FHL5: variants seen among roughly 807,000 people sequenced by gnomAD.
FHL5 encodes the protein four and a half LIM domains protein 5.
A neutral mutation model predicts 32.0 loss-of-function variants in FHL5; 33 were observed. The observed-to-expected ratio is 1.03, with a 90% CI of 0.78 to 1.38. The LOEUF is 1.38. FHL5 is among the 40% of genes most tolerant of loss of function. The pLI, the probability that FHL5 is intolerant of heterozygous loss-of-function variation, is 0.00. For missense variants in FHL5, 336 were observed against 343.9 expected, an observed-to-expected ratio of 0.98 and a Z score of 0.18; for synonymous variants, 114 against 113.6, an observed-to-expected ratio of 1.00 and a Z score of -0.02.
At chr6:96,581,818 AT>A (rs1382397481) in intron 1 of FHL5, among the ~76,000 whole-genome samples, 1 of 152,178 alleles carries the variant, frequency 6.6e-6, no homozygotes, top group African/African-American at 2.4e-5. Context: ...TCTTAAAAAA[AT>A]GTTATAGAAT....
chr6:96,585,529 A>G (rs895708978), intron 1 of FHL5, among the ~76,000 whole-genome samples: 1 of 152,156 alleles, frequency 6.6e-6, no homozygotes, highest in Non-Finnish European at 1.5e-5. Flanking sequence ...ATTTAGTAAA[A>G]TTTACAGATC....
intron 1 of FHL5, among the ~76,000 whole-genome samples, chr6:96,570,902 CTTATT>C (rs1770462674): frequency 6.6e-6 from 1 of 151,448 alleles, no homozygotes; most frequent in South Asian, 2.1e-4. Context: ...GAATTTTTTT[CTTATT>C]TTATTTAATT....
chr6:96,602,422 G>GTTCCTTTTTTTT (rs1562062425), intron 1 of FHL5, among the ~76,000 whole-genome samples: 10 of 26,606 alleles, frequency 3.8e-4, no homozygotes, highest in African/African-American at 1.0e-3. Flanking sequence ...TATATGCGTT[G>GTTCCTTTTTTTT]TTTCTTTTTT....
At chr6:96,574,335 C>G (rs1016954467) in intron 1 of FHL5, among the ~76,000 whole-genome samples, 1 of 152,138 alleles carries the variant, frequency 6.6e-6, no homozygotes, top group Non-Finnish European at 1.5e-5. Context: ...AAAATGTTTT[C>G]TACAAAGAGC....
chr6:96,618,140 G>A lies in FHL5; in HGVS notation c.*2368G>A, dbSNP rs541894489. 1.1e-4 allele frequency among the ~76,000 whole-genome samples: 16 copies of A among 152,236 alleles called. No homozygotes were observed. The highest frequency in any genetic ancestry group is 6.2e-4 in the South Asian group (3 of 4,828). ...GAAAAAGACCTCCTTAGGTCTTTGCGTAACACACACAAAGATAAATGTAAA... is the reference window on the plus strand; with the variant it reads ...GAAAAAGACCTCCTTAGGTCTTTGCATAACACACACAAAGATAAATGTAAA... On this transcript the variant is annotated 3_prime_UTR_variant, in exon 6 of 6. Coordinates refer to ENST00000450218, the MANE Select transcript of FHL5 (RefSeq NM_001322466.2).
chr6:96,567,605 G>A (rs137870492), intron 1 of FHL5, among the ~76,000 whole-genome samples: 108 of 151,638 alleles, frequency 7.1e-4, no homozygotes, highest in African/African-American at 2.2e-3. Flanking sequence ...CAATATTAAT[G>A]TCTACAATTC....
chr6:96,584,453 G>GTGTGTT (rs1562055748), intron 1 of FHL5, among the ~76,000 whole-genome samples: 1 of 145,428 alleles, frequency 6.9e-6, no homozygotes, highest in African/African-American at 2.8e-5. Context: ...GTGTGTGTGT[G>GTGTGTT]TGTGTGTTTG....
intron 1 of FHL5, among the ~76,000 whole-genome samples, chr6:96,566,132 T>C (rs901117288): frequency 6.6e-6 from 1 of 152,024 alleles, no homozygotes; most frequent in Admixed American, 6.6e-5. Context: ...TTTCTTAACC[T>C]ACCTTTGGCT....
chr6:96,609,355 C>T (rs541574745), intron 4 of FHL5, among the ~76,000 whole-genome samples: 2 of 152,250 alleles, frequency 1.3e-5, no homozygotes, highest in Admixed American at 1.3e-4. Context: ...TACAAAAACA[C>T]ATTCCAGTAT....
At chr6:96,575,758 C>A (rs1480519665) in intron 1 of FHL5, among the ~76,000 whole-genome samples, 4 of 152,128 alleles carry the variant, frequency 2.6e-5, no homozygotes, top group African/African-American at 4.8e-5. Flanking sequence ...AAAAAAAATT[C>A]TTGATCTGTT....
At chr6:96,613,519 G>T (rs1771457164) in intron 5 of FHL5, among the ~76,000 whole-genome samples, 5 of 152,206 alleles carry the variant, frequency 3.3e-5, no homozygotes, top group Admixed American at 3.3e-4. Context: ...CACCTCAGGG[G>T]TGGGGGGCCT....
At chr6:96,613,642 G>A (rs1771459330) in intron 5 of FHL5, among the ~76,000 whole-genome samples, 1 of 152,196 alleles carries the variant, frequency 6.6e-6, no homozygotes, top group Admixed American at 6.5e-5. Flanking sequence ...GAGTGATGCT[G>A]ATGTTCCTGA....
At chr6:96,579,915 T>C (rs1770664674) in intron 1 of FHL5, among the ~76,000 whole-genome samples, 1 of 152,112 alleles carries the variant, frequency 6.6e-6, no homozygotes, top group Non-Finnish European at 1.5e-5. Context: ...GCAGACTCAG[T>C]AAGAGTCTAA....
In FHL5 at chr6:96,610,765, T is replaced by C; in HGVS notation, c.691+7T>C. The stretch of plus-strand genomic sequence containing the variant: ...TGTTCCAAACCCATTAGTGGTGAGT[T>C]CTTCAGTTCAATATGATCATGCCAT... On this transcript the variant is annotated splice_region_variant and intron_variant, in intron 5 of 5. Coordinates refer to ENST00000450218, the MANE Select transcript of FHL5 (RefSeq NM_001322466.2). The C allele has an allele frequency of 1.3e-6, 2 of 1,599,144 alleles. No homozygotes were observed. The highest frequency in any genetic ancestry group is 1.7e-6 in the Non-Finnish European group (2 of 1,168,636).
chr6:96,581,144 C>T (rs2127962914), intron 1 of FHL5, among the ~76,000 whole-genome samples: 1 of 152,164 alleles, frequency 6.6e-6, no homozygotes, highest in South Asian at 2.1e-4. Context: ...CCTCTAAATT[C>T]CTGGATCCAG....
chr6:96,605,620 C>G (rs575589517), intron 3 of FHL5, among the ~76,000 whole-genome samples: 1 of 152,194 alleles, frequency 6.6e-6, no homozygotes, highest in South Asian at 2.1e-4. Flanking sequence ...TTAGGAGTCT[C>G]CATTAAAAGT....
intron 1 of FHL5, among the ~76,000 whole-genome samples, chr6:96,572,546 T>C (rs1770501686): frequency 6.6e-6 from 1 of 152,148 alleles, no homozygotes; most frequent in Non-Finnish European, 1.5e-5. Context: ...TACTTACTCC[T>C]TGAGTAAGGC....
At chr6:96,599,078 G>A (rs1771094328) in intron 1 of FHL5, among the ~76,000 whole-genome samples, 1 of 151,870 alleles carries the variant, frequency 6.6e-6, no homozygotes, top group Non-Finnish European at 1.5e-5. Context: ...ATTACTCATA[G>A]CATTAGGCTT....
At chr6:96,597,196 T>TAA (rs1286020308) in intron 1 of FHL5, among the ~76,000 whole-genome samples, 1 of 151,644 alleles carries the variant, frequency 6.6e-6, no homozygotes, top group Non-Finnish European at 1.5e-5. Context: ...TTTATATATA[T>TAA]AATATATACC....
Sources: gnomAD v4.1 joint callset for allele counts (sites outside exome capture counted in the v4.1 genomes callset) on GRCh38, gnomAD v4.1.1 for gene constraint, MANE v1.5 for transcripts, NCBI Gene and HGNC (gene_info 2026-07-23, HGNC 2026-07-21) for gene names.